The following KIF1A variants were observed in gnomAD, a reference collection of about 807,000 sequenced individuals.
The protein encoded by KIF1A is kinesin-like protein KIF1A.
In KIF1A, 46 loss-of-function variants were observed where a neutral mutation model predicts 227.3. The ratio of observed to expected loss-of-function variants is 0.20; its 90% confidence interval spans 0.16 to 0.26. The LOEUF (loss-of-function observed/expected upper bound fraction) is 0.26. KIF1A is among the 10% of genes least tolerant of loss of function. The pLI, the probability that KIF1A is intolerant of heterozygous loss-of-function variation, is 1.00. For missense variants in KIF1A, 1,683 were observed against 2,485.9 expected (o/e 0.68, Z 6.87); for synonymous variants, 1,022 against 1,012.8 (o/e 1.01, Z -0.17).
At position 240,734,054 on chromosome 2, in the gene KIF1A, T is replaced by C. The variant is rs143525162; in HGVS notation, c.4007+3009A>G. Among the ~76,000 whole-genome samples the C allele has an allele frequency of 8.0e-3, 1,214 of 152,240 alleles. 10 individuals carry two copies. Among genetic ancestry groups the C allele is most frequent in the African/African-American group, 0.023 (945 of 41,548 alleles). ...TGGACAACCTGAGTCTGGGACTCTATGGTCTCTTCATGAATTCACCACCCG... is the reference window on the plus strand; with the variant it reads ...TGGACAACCTGAGTCTGGGACTCTACGGTCTCTTCATGAATTCACCACCCG... On this transcript the variant is annotated intron_variant, in intron 38 of 48. Coordinates refer to ENST00000498729, the MANE Select transcript of KIF1A (RefSeq NM_001244008.2).
Position 240,719,133 on chromosome 2 carries a change from C to G in KIF1A, c.5087G>C (p.Arg1696Pro). 6.2e-7 allele frequency: 1 copy of G among 1,612,530 alleles called. No individual in the cohort carries two copies. Among genetic ancestry groups the G allele is most frequent in the Non-Finnish European group, 8.5e-7 (1 of 1,179,720 alleles). ...ATAGGGGCGCCGCACCACCACGAAGCGCCTGGCCCAGCCTGACGTGTGCGG... is the reference window on the plus strand; with the variant it reads ...ATAGGGGCGCCGCACCACCACGAAGGGCCTGGCCCAGCCTGACGTGTGCGG... ...LEPHTSGWAR[R>P]FVVVRRPYAY... The change falls in exon 47 of 49, where the codon CGC (arginine) becomes CCC (proline). Residue 1696 changes from arginine to proline, a missense_variant. Around this residue, in one of 12 missense-constraint regions of KIF1A, gnomAD observed 384 missense variants for 410.1 expected, o/e 0.94. Coordinates refer to ENST00000498729, the MANE Select transcript of KIF1A (RefSeq NM_001244008.2).
At chr2:240,772,785 T>C (rs1171260227) in intron 13 of KIF1A, among the ~76,000 whole-genome samples, 189 bp from the exon 14 acceptor site, 2 of 152,180 alleles carry the variant, frequency 1.3e-5, no homozygotes, top group African/African-American at 4.8e-5. Context: ...ACCCACAGCC[T>C]GCCTATGGGG....
At chr2:240,780,354 C>T (rs2053487811) in intron 10 of KIF1A, among the ~76,000 whole-genome samples, 1 of 152,070 alleles carries the variant, frequency 6.6e-6, no homozygotes, top group Non-Finnish European at 1.5e-5. Flanking sequence ...GCTCCAGCTC[C>T]ACAGAGCCCC....
At chr2:240,753,155 G>T (rs2049425962) in intron 27 of KIF1A, among the ~76,000 whole-genome samples, 1 of 152,196 alleles carries the variant, frequency 6.6e-6, no homozygotes, top group Admixed American at 6.5e-5. Flanking sequence ...GGAGACTTCT[G>T]CACCTGAGCT....
chr2:240,818,711 C>T (rs1237114645), intron 1 of KIF1A: 6 of 152,510 alleles, frequency 3.9e-5, no homozygotes, highest in African/African-American at 1.4e-4. Flanking sequence ...GCATGGCTTC[C>T]CTGGCAAAGG....
rs777513198 is a variant in KIF1A at position 240,792,544 on chromosome 2, G to C, written c.107-3232C>G. On this transcript the variant is annotated intron_variant, in intron 2 of 48. Transcript: ENST00000498729. The surrounding 1 kb of genome is among the most constrained non-coding windows in gnomAD (Gnocchi z 4.5). Reference sequence around the variant, plus strand: ...CGGGGGGAGGGTTGGGGTGAGGAGTGGGGGGAGCTGGAAGAAGGGGGACGG... The same window carrying C: ...CGGGGGGAGGGTTGGGGTGAGGAGTCGGGGGAGCTGGAAGAAGGGGGACGG... Among the ~76,000 whole-genome samples the C allele has an allele frequency of 4.6e-4, 70 of 152,104 alleles. No homozygotes were observed. Among genetic ancestry groups the C allele is most frequent in the South Asian group, 1.0e-3 (5 of 4,796 alleles).
At position 240,737,153 on chromosome 2, in the gene KIF1A, G is replaced by A. The variant is rs1382579533; in HGVS notation, c.3917C>T (p.Thr1306Ile). 3 of 1,613,576 alleles carry A rather than the reference G, an allele frequency of 1.9e-6. No individual in the cohort carries two copies. Among genetic ancestry groups the A allele is most frequent in the Non-Finnish European group, 2.5e-6 (3 of 1,179,660 alleles). Reference protein sequence around the residue: ...RELVVGRIRNTPETDESLIDP... With the variant: ...RELVVGRIRNIPETDESLIDP... ...GATCAGGGACTCGTCGGTCTCTGGAGTGTTTCGGATGCGGCCTGCAGAAAA... is the reference window on the plus strand; with the variant it reads ...GATCAGGGACTCGTCGGTCTCTGGAATGTTTCGGATGCGGCCTGCAGAAAA... Residue 1306 changes from threonine to isoleucine, a missense_variant, in exon 38 of 49, where the codon ACT (threonine) becomes ATT (isoleucine). Thr to Ile is a moderately conservative substitution (Grantham distance 89, BLOSUM62 -1). Transcript: ENST00000498729.
At chr2:240,779,385 TA>T (rs2053263071) in intron 10 of KIF1A, among the ~76,000 whole-genome samples, 1 of 110,550 alleles carries the variant, frequency 9.0e-6, no homozygotes, top group Non-Finnish European at 1.8e-5. Context: ...CAGTTCCTCA[TA>T]GTTCCACACT....
At chr2:240,779,291 CAT>C (rs549338405) in intron 10 of KIF1A, among the ~76,000 whole-genome samples, 23 of 127,638 alleles carry the variant, frequency 1.8e-4, no homozygotes, top group African/African-American at 7.0e-4. Context: ...CTCAGTTCCT[CAT>C]AGTTCCACAC....
In KIF1A at chr2:240,778,034, C is replaced by T. The variant is rs1271155877; in HGVS notation, c.883-2108G>A. 1.3e-5 allele frequency among the ~76,000 whole-genome samples: 2 copies of T among 152,200 alleles called. No individual in the cohort carries two copies. The highest frequency in any genetic ancestry group is 2.9e-5 in the Non-Finnish European group (2 of 68,036). On this transcript the variant is annotated intron_variant, in intron 10 of 48. Transcript: ENST00000498729. This position sits in a 1 kb window ranked among gnomAD's most constrained non-coding sequence, Gnocchi z 7.2. ...CGCACGGTTCCCACGCGGCTGCTCG[C>T]AGCTCACCACACAGTTCCTCAGCTC...
At position 240,792,771 on chromosome 2, in the gene KIF1A, C is replaced by G. The variant is rs180673089; in HGVS notation, c.107-3459G>C. 2.6e-5 allele frequency among the ~76,000 whole-genome samples: 4 copies of G among 152,014 alleles called. No individual in the cohort carries two copies. Among genetic ancestry groups the G allele is most frequent in the Non-Finnish European group, 5.9e-5 (4 of 68,020 alleles). Reference sequence around the variant, plus strand: ...GCCTTGTGAAGTGATGAGGATGAGACGAAGCCACGAAGTCAGGGACCTCAT... The same window carrying G: ...GCCTTGTGAAGTGATGAGGATGAGAGGAAGCCACGAAGTCAGGGACCTCAT... On this transcript the variant is annotated intron_variant, in intron 2 of 48. Coordinates refer to ENST00000498729, the MANE Select transcript of KIF1A (RefSeq NM_001244008.2). The surrounding 1 kb of genome is among the most constrained non-coding windows in gnomAD (Gnocchi z 4.5).
chr2:240,793,142 G>A lies in KIF1A; in HGVS notation c.107-3830C>T, dbSNP rs540598593. ...TGCAGAGGGGCTTGCCCAGGTCCCC[G>A]ACTGCTCGGGATTGGGGGAGCCCAC... On this transcript the variant is annotated intron_variant, in intron 2 of 48. Coordinates refer to ENST00000498729, the MANE Select transcript of KIF1A (RefSeq NM_001244008.2). This position sits in a 1 kb window ranked among gnomAD's most constrained non-coding sequence, Gnocchi z 4.8. Among the ~76,000 whole-genome samples the A allele has an allele frequency of 6.6e-6, 1 of 152,310 alleles. No homozygotes were observed. Among genetic ancestry groups the A allele is most frequent in the African/African-American group, 2.4e-5 (1 of 41,578 alleles).
Position 240,763,280 on chromosome 2 carries a change from T to G in KIF1A, c.1835A>C (p.Glu612Ala). The G allele has an allele frequency of 6.2e-7, 1 of 1,609,180 alleles. No individual in the cohort carries two copies. The highest frequency in any genetic ancestry group is 8.5e-7 in the Non-Finnish European group (1 of 1,178,054). The part of the protein sequence containing the change: ...RFNHPEQARQ[E>A]RERTPCAETP... ...CTCCGCACAAGGCGTGCGCTCACGCTCCTGCCGGGCCTGCTCGGGGTGGTT... is the reference window on the plus strand; with the variant it reads ...CTCCGCACAAGGCGTGCGCTCACGCGCCTGCCGGGCCTGCTCGGGGTGGTT... Residue 612 changes from glutamate to alanine, a missense_variant, in exon 21 of 49, where the codon GAG becomes GCG. Around this residue, in one of 12 missense-constraint regions of KIF1A, gnomAD observed 217 missense variants for 427.0 expected, o/e 0.51. Transcript: ENST00000498729.
intron 1 of KIF1A, among the ~76,000 whole-genome samples, chr2:240,798,493 G>C (rs1234408384): frequency 6.6e-6 from 1 of 152,260 alleles, no homozygotes. Context: ...TTCGGTACAA[G>C]CCAGGGCTGG....
At chr2:240,735,780 G>A (rs747877014) in intron 38 of KIF1A, among the ~76,000 whole-genome samples, 3 of 152,036 alleles carry the variant, frequency 2.0e-5, no homozygotes, top group African/African-American at 4.8e-5. Flanking sequence ...CCCAAGCCCC[G>A]GCCCGTCCCA....
chr2:240,781,786 C>T lies in KIF1A; in HGVS notation c.882+804G>A, dbSNP rs564915592. 113 of 984,788 alleles carry T rather than the reference C, an allele frequency of 1.1e-4. No homozygotes were observed. In the East Asian group the frequency reaches 9.8e-3, roughly 85 times the overall value. The allele number at this position is 984,788 out of a possible 1,614,324, so 61.0% of individuals were successfully genotyped here. A position where few individuals can be genotyped will look rare whatever the true frequency, so the allele number is the denominator to read the frequency against. ...CCCACAGGGGCCCTCAGCTTCCTCG[C>T]CTGGCTCCCACTCGGGTTCGCCACA... On this transcript the variant is annotated intron_variant, in intron 10 of 48. Coordinates refer to ENST00000498729, the MANE Select transcript of KIF1A (RefSeq NM_001244008.2).
intron 25 of KIF1A, among the ~76,000 whole-genome samples, chr2:240,759,055 G>A (rs1244783689): frequency 6.6e-6 from 1 of 152,130 alleles, no homozygotes; most frequent in Non-Finnish European, 1.5e-5. Context: ...TCCAAGCCAC[G>A]TAACCTGGGA....
Position 240,737,000 on chromosome 2 carries a change from G to T in KIF1A, c.4007+63C>A. 7.3e-7 allele frequency: 1 copy of T among 1,364,306 alleles called. No homozygotes were observed. The highest frequency in any genetic ancestry group is 1.2e-5 in the South Asian group (1 of 85,458). The allele number at this position is 1,364,306 out of a possible 1,614,324, so 84.5% of individuals were successfully genotyped here. ...TGTGGCTGAACCCTGTGCCGGGTTG[G>T]CTGAGGGCCTGGCAGGCTGGGAACA... On this transcript the variant is annotated intron_variant, in intron 38 of 48. Transcript: ENST00000498729. This position sits in a 1 kb window ranked among gnomAD's most constrained non-coding sequence, Gnocchi z 4.7.
rs199938682 is a variant in KIF1A, at chr2:240,721,051, G to C, written c.4744-13C>G. ...ACATCTCGGAGAGCTGCGGAGGAGA[G>C]GCCTTTTTCAGGGGACACAGGGAAG... On this transcript the variant is annotated splice_polypyrimidine_tract_variant and intron_variant, in intron 44 of 48. Coordinates refer to ENST00000498729, the MANE Select transcript of KIF1A (RefSeq NM_001244008.2). 1.2e-5 allele frequency: 19 copies of C among 1,611,524 alleles called. No individual in the cohort carries two copies. In the East Asian group the frequency reaches 4.2e-4, roughly 36 times the overall value.
Sources: allele counts gnomAD v4.1 joint callset (sites outside exome capture counted in the v4.1 genomes callset), GRCh38; gene constraint gnomAD v4.1.1; regional missense constraint gnomAD v4.1.1; non-coding constraint Gnocchi (gnomAD v3.1); transcripts MANE v1.5; gene names NCBI Gene and HGNC (gene_info 2026-07-23, HGNC 2026-07-21).